The following FHIP1A variants were observed in gnomAD, a reference collection of about 807,000 sequenced individuals.
FHIP1A encodes the protein FHF complex subunit HOOK interacting protein 1A.
A neutral mutation model predicts 88.6 loss-of-function variants in FHIP1A; 61 were observed. That is an observed-to-expected ratio of 0.69 (90% CI 0.56 to 0.85). FHIP1A has a LOEUF of 0.85. FHIP1A is among the 40% of genes least tolerant of loss of function. The pLI, the probability that FHIP1A is intolerant of heterozygous loss-of-function variation, is 0.00. For synonymous variants in FHIP1A, 478 were observed against 496.0 expected (o/e 0.96, Z 0.48); for missense variants, 1,154 against 1,273.5 (o/e 0.91, Z 1.43).
chr4:151,490,732 TAAAG>T (rs1393959401), intron 3 of FHIP1A, among the ~76,000 whole-genome samples: 3 of 111,208 alleles, frequency 2.7e-5, no homozygotes. Context: ...AAAACCGACT[TAAAG>T]AAATTAAAAA....
chr4:151,439,838 A>G (rs928959800), intron 1 of FHIP1A, among the ~76,000 whole-genome samples: 3 of 152,144 alleles, frequency 2.0e-5, no homozygotes, highest in Admixed American at 6.6e-5. Flanking sequence ...TTTCTTATAA[A>G]TTACTAGCAA....
intron 3 of FHIP1A, among the ~76,000 whole-genome samples, chr4:151,485,592 T>C (rs1157218939): frequency 1.5e-5 from 2 of 131,604 alleles, no homozygotes; most frequent in African/African-American, 5.9e-5. Context: ...GAGCTCAGAG[T>C]TTTTTTTTTT....
intron 5 of FHIP1A, 93 bp downstream of exon 5, chr4:151,578,169 C>T: frequency 3.4e-6 from 4 of 1,193,692 alleles, no homozygotes; most frequent in Non-Finnish European, 4.6e-6. Flanking sequence ...TTTTTTCTCC[C>T]AGTAAGTTGT....
At chr4:151,506,435 G>A (rs1730840610) in intron 3 of FHIP1A, among the ~76,000 whole-genome samples, 1 of 152,144 alleles carries the variant, frequency 6.6e-6, no homozygotes, top group Non-Finnish European at 1.5e-5. Flanking sequence ...TATTTATAAA[G>A]AAATGAGGTT....
chr4:151,526,655 CG>C (rs1019725689), intron 3 of FHIP1A, among the ~76,000 whole-genome samples: 1 of 149,048 alleles, frequency 6.7e-6, no homozygotes, highest in Non-Finnish European at 1.5e-5. Flanking sequence ...GCTGGCCGGG[CG>C]GGGGGCTGAC....
chr4:151,546,108 G>A (rs1183737081), intron 3 of FHIP1A, among the ~76,000 whole-genome samples: 2 of 152,230 alleles, frequency 1.3e-5, no homozygotes, highest in East Asian at 1.9e-4. Context: ...ATCTGCTGGC[G>A]GCCCAGGTAG....
At chr4:151,506,001 G>A (rs1474106398) in intron 3 of FHIP1A, among the ~76,000 whole-genome samples, 1 of 152,094 alleles carries the variant, frequency 6.6e-6, no homozygotes, top group Non-Finnish European at 1.5e-5. Flanking sequence ...GGGCTCACTG[G>A]AACTTCGAAC....
At chr4:151,412,690 T>C (rs1580534984) in intron 1 of FHIP1A, among the ~76,000 whole-genome samples, 2 of 136,698 alleles carry the variant, frequency 1.5e-5, no homozygotes, top group South Asian at 2.4e-4. Context: ...TTTCTTTCTT[T>C]TTTTTTTTTT....
chr4:151,609,124 A>G (rs1735196939), intron 7 of FHIP1A, among the ~76,000 whole-genome samples: 3 of 152,168 alleles, frequency 2.0e-5, no homozygotes, highest in Non-Finnish European at 4.4e-5. Flanking sequence ...TTCGAATGGA[A>G]ATGTTATCAG....
In FHIP1A at chr4:151,666,121, T is replaced by A. The variant is rs987218806; in HGVS notation, c.*3367T>A. ...TATGAGAGCACTGGGATATTTAAAATTGATTTTTTGGAAATGGCCAAGTAA... is the reference window on the plus strand; with the variant it reads ...TATGAGAGCACTGGGATATTTAAAAATGATTTTTTGGAAATGGCCAAGTAA... On this transcript the variant is annotated 3_prime_UTR_variant, in exon 14 of 14. Transcript: ENST00000435205. Among the ~76,000 whole-genome samples the A allele has an allele frequency of 1.3e-5, 2 of 152,352 alleles. No individual in the cohort carries two copies. Among genetic ancestry groups the A allele is most frequent in the East Asian group, 3.9e-4 (2 of 5,190 alleles).
chr4:151,663,608 T>A lies in FHIP1A; in HGVS notation c.*854T>A, dbSNP rs1233947191. 6.6e-6 allele frequency: 1 copy of A among 152,214 alleles called. No individual in the cohort carries two copies. Among genetic ancestry groups the A allele is most frequent in the Non-Finnish European group, 1.5e-5 (1 of 68,034 alleles). The allele number at this position is 152,214 out of a possible 1,614,324, so 9.4% of individuals were successfully genotyped here. A position where few individuals can be genotyped will look rare whatever the true frequency, so the allele number is the denominator to read the frequency against. ...AACCATCATTATTTTTGTAAGTGTT[T>A]TATAAAAACAAACTGATTAACTTGT... is the stretch of plus-strand genomic sequence containing the variant. On this transcript the variant is annotated 3_prime_UTR_variant, in exon 14 of 14. Coordinates refer to ENST00000435205, the MANE Select transcript of FHIP1A (RefSeq NM_001109977.3).
At chr4:151,545,446 C>G (rs1028038181) in intron 3 of FHIP1A, among the ~76,000 whole-genome samples, 1 of 132,022 alleles carries the variant, frequency 7.6e-6, no homozygotes, top group Non-Finnish European at 1.5e-5. Context: ...GGCATGATCT[C>G]GGCTCACTGC....
chr4:151,610,834 G>A (rs578022903), intron 7 of FHIP1A, among the ~76,000 whole-genome samples: 1 of 152,240 alleles, frequency 6.6e-6, no homozygotes, highest in East Asian at 1.9e-4. Flanking sequence ...ACCCAAGTGG[G>A]ACTTGAAGAT....
chr4:151,528,631 G>C (rs979624601), intron 3 of FHIP1A, among the ~76,000 whole-genome samples: 2 of 152,158 alleles, frequency 1.3e-5, no homozygotes, highest in African/African-American at 4.8e-5. Flanking sequence ...TATTTTGACT[G>C]TCATTTTTTA....
chr4:151,444,951 C>A, intron 1 of FHIP1A, among the ~76,000 whole-genome samples: 1 of 152,106 alleles, frequency 6.6e-6, no homozygotes, highest in Non-Finnish European at 1.5e-5. Flanking sequence ...ACTTATCCTC[C>A]AATTTAATTC....
chr4:151,469,612 T>C (rs972778223), intron 2 of FHIP1A, among the ~76,000 whole-genome samples: 1 of 152,178 alleles, frequency 6.6e-6, no homozygotes, highest in Admixed American at 6.5e-5. Flanking sequence ...TTCTCAAAAG[T>C]TCATTATGTC....
At chr4:151,609,101 C>T (rs1311454750) in intron 7 of FHIP1A, among the ~76,000 whole-genome samples, 1 of 152,098 alleles carries the variant, frequency 6.6e-6, no homozygotes, top group South Asian at 2.1e-4. Flanking sequence ...GATTTCGATA[C>T]CATAAAACTT....
At chr4:151,621,058 C>G (rs760599263) in intron 7 of FHIP1A, among the ~76,000 whole-genome samples, 1 of 152,110 alleles carries the variant, frequency 6.6e-6, no homozygotes, top group African/African-American at 2.4e-5. Flanking sequence ...AAAGGCCCTG[C>G]AAGATTTTCT....
intron 1 of FHIP1A, among the ~76,000 whole-genome samples, chr4:151,416,810 G>T (rs535583166): frequency 4.0e-5 from 6 of 151,676 alleles, no homozygotes; most frequent in Admixed American, 2.0e-4. Flanking sequence ...TTGAAGCAGG[G>T]TCTCACTCTG....
Sources: gnomAD v4.1 joint callset for allele counts (sites outside exome capture counted in the v4.1 genomes callset) on GRCh38, gnomAD v4.1.1 for gene constraint, MANE v1.5 for transcripts, NCBI Gene and HGNC (gene_info 2026-07-23, HGNC 2026-07-21) for gene names.